STRN4: variants seen among roughly 807,000 people sequenced by gnomAD.
STRN4 encodes the protein striatin 4, also known as striatin-4.
Under a neutral mutation model 77.9 loss-of-function variants are expected in STRN4, and 27 were observed. The ratio of observed to expected loss-of-function variants is 0.35; its 90% CI spans 0.26 to 0.48. STRN4 has a LOEUF of 0.48. Ranked by LOEUF, STRN4 falls within the 20% of genes least tolerant of loss-of-function variation. STRN4 has a pLI of 0.99. For missense variants in STRN4, 798 were observed against 1,049.7 expected, an observed-to-expected ratio of 0.76 and a Z score of 3.31; for synonymous variants, 466 against 443.1, an observed-to-expected ratio of 1.05 and a Z score of -0.65.
rs192197442 is a variant in STRN4, at chr19:46,741,052, G to A, written c.283-2164C>T. Among the ~76,000 whole-genome samples the A allele has an allele frequency of 1.3e-5, 2 of 152,274 alleles. No homozygotes were observed. The highest frequency in any genetic ancestry group is 4.8e-5 in the African/African-American group (2 of 41,544). ...ATGGAAGGGTTTTAAGTACAGAGAG[G>A]TAACCGATTCGCATGTTATAAAGGC... On this transcript the variant is annotated intron_variant, in intron 1 of 17. Transcript: ENST00000263280. This position sits in a 1 kb window ranked among gnomAD's most constrained non-coding sequence, Gnocchi z 4.9.
chr19:46,743,697 C>A (rs1383461195), intron 1 of STRN4, among the ~76,000 whole-genome samples: 1 of 152,010 alleles, frequency 6.6e-6, no homozygotes, highest in South Asian at 2.1e-4. Context: ...GCCAGGAGTT[C>A]GAAACCAGCC....
In STRN4 at chr19:46,722,892, G is replaced by A. The variant is rs756166358; in HGVS notation, c.1824C>T (p.Ala608=). The change falls in exon 14 of 18, where the codon GCC becomes GCT. Residue 608 remains alanine (A), a synonymous_variant. Transcript: ENST00000263280. ...FTSTEPAHIV[A]SFRSGDTVLY... ...AGACGGTGTCGCCAGAGCGGAAGGA[G>A]GCCACGATGTGGGCAGGCTCGGTGC... The A allele has an allele frequency of 2.5e-6, 4 of 1,613,860 alleles. No homozygotes were observed. In the African/African-American group the frequency reaches 4.0e-5, roughly 16 times the overall value.
chr19:46,720,261 G>T lies in STRN4; in HGVS notation c.*144C>A, dbSNP rs2053944362. On this transcript the variant is annotated 3_prime_UTR_variant, in exon 18 of 18. Coordinates refer to ENST00000263280, the MANE Select transcript of STRN4 (RefSeq NM_013403.3). ...CGTTGGGGAGGGATTCCTGGGGAAA[G>T]GGCCGTTAGCACCACCAGGCTCCAT... 9.3e-6 allele frequency: 2 copies of T among 214,130 alleles called. No homozygotes were observed. The highest frequency in any genetic ancestry group is 2.3e-5 in the African/African-American group (1 of 43,798). The allele number at this position is 214,130 out of a possible 1,614,324, so 13.3% of individuals were successfully genotyped here.
intron 1 of STRN4, chr19:46,740,295 A>T (rs1271447808): frequency 6.6e-6 from 1 of 152,222 alleles, no homozygotes; most frequent in Non-Finnish European, 1.5e-5. Flanking sequence ...TCTCAAAAAA[A>T]AAAAGAAATA....
chr19:46,726,071 T>G, intron 9 of STRN4: 1 of 183,264 alleles, frequency 5.5e-6, no homozygotes, highest in Non-Finnish European at 1.2e-5. Flanking sequence ...CAGCAGGACT[T>G]CACAAGATAA....
intron 4 of STRN4, among the ~76,000 whole-genome samples, chr19:46,734,589 T>C (rs996644542): frequency 1.3e-5 from 2 of 152,198 alleles, no homozygotes; most frequent in African/African-American, 4.8e-5. Context: ...TTTTCCTCCA[T>C]AGGACCAAAG....
intron 10 of STRN4, 30 bp downstream of exon 10, chr19:46,725,442 CT>C: frequency 6.2e-7 from 1 of 1,613,834 alleles, no homozygotes; most frequent in Non-Finnish European, 8.5e-7. Flanking sequence ...CCAGATGCCC[CT>C]GCCCCCGGCT....
intron 6 of STRN4, among the ~76,000 whole-genome samples, chr19:46,729,283 G>A (rs2054195629): frequency 6.6e-6 from 1 of 152,258 alleles, no homozygotes. Flanking sequence ...AACAGCTACC[G>A]TGAACACTGT....
Position 46,733,014 on chromosome 19 carries a change from A to G in STRN4, c.737+25T>C. The G allele has an allele frequency of 6.3e-7, 1 of 1,592,182 alleles. No individual in the cohort carries two copies. Among genetic ancestry groups the G allele is most frequent in the Non-Finnish European group, 8.6e-7 (1 of 1,164,242 alleles). On this transcript the variant is annotated intron_variant, in intron 5 of 17. Coordinates refer to ENST00000263280, the MANE Select transcript of STRN4 (RefSeq NM_013403.3). This position sits in a 1 kb window ranked among gnomAD's most constrained non-coding sequence, Gnocchi z 4.3. ...CAGCAGTCAGGAGGAACAGAGAGACACACCTGCCATGTCCACGGGCTCACC... is the reference window on the plus strand; with the variant it reads ...CAGCAGTCAGGAGGAACAGAGAGACGCACCTGCCATGTCCACGGGCTCACC...
chr19:46,730,589 G>C (rs1052938788), intron 6 of STRN4, 143 bp downstream of exon 6: 55 of 1,293,036 alleles, frequency 4.3e-5, no homozygotes, highest in Non-Finnish European at 5.2e-5. Flanking sequence ...CTGGCCACAA[G>C]CTCCTCCAGG....
At chr19:46,736,235 C>G (rs759151065) in intron 4 of STRN4, 6 of 152,094 alleles carry the variant, frequency 3.9e-5, no homozygotes, top group Non-Finnish European at 8.8e-5. Flanking sequence ...TGAGATCGTG[C>G]CACTGCACTG....
intron 14 of STRN4, 151 bp from the exon 15 acceptor site, chr19:46,722,491 G>A: frequency 1.2e-6 from 1 of 866,952 alleles, no homozygotes; most frequent in South Asian, 1.6e-5. Flanking sequence ...CCCGACCGCA[G>A]CGCTGGTTCT....
chr19:46,720,142 G>A lies in STRN4; in HGVS notation c.*263C>T, dbSNP rs117438608. On this transcript the variant is annotated 3_prime_UTR_variant, in exon 18 of 18. Transcript: ENST00000263280. ...GGAAAGCAGCTCTGATACCAGGAGC[G>A]GCTGTCAGGGCACAGGGGGAAACCC... The A allele has an allele frequency of 0.014, 2,198 of 154,432 alleles. 36 individuals are homozygous for A. Among genetic ancestry groups the A allele is most frequent in the South Asian group, 0.061 (298 of 4,846 alleles). 9.6% of individuals were successfully genotyped at this position (154,432 alleles called of 1,614,324 possible). A position where few individuals can be genotyped will look rare whatever the true frequency, so the allele number is the denominator to read the frequency against.
At chr19:46,721,503 A>G (rs962697546) in intron 16 of STRN4, 21 of 180,570 alleles carry the variant, frequency 1.2e-4, no homozygotes, top group Non-Finnish European at 1.8e-4. Flanking sequence ...TGCTGCACTC[A>G]CTGCAGGCCT....
intron 14 of STRN4, among the ~76,000 whole-genome samples, 171 bp downstream of exon 14, chr19:46,722,626 CGCCAGTGCCCTGG>C (rs2054007384): frequency 1.3e-5 from 2 of 152,244 alleles, no homozygotes; most frequent in Admixed American, 1.3e-4. Flanking sequence ...CACTCAGCCC[CGCCAGTGCCCTGG>C]CTGTGAGGGC....
chr19:46,740,460 G>A (rs2054453982), intron 1 of STRN4, among the ~76,000 whole-genome samples: 2 of 152,018 alleles, frequency 1.3e-5, no homozygotes, highest in Non-Finnish European at 2.9e-5. Flanking sequence ...CATCTCTGAA[G>A]CATGAGTTTC....
At chr19:46,728,359 C>T (rs1036993619) in intron 7 of STRN4, 42 of 592,226 alleles carry the variant, frequency 7.1e-5, no homozygotes, top group Middle Eastern at 4.5e-4. Flanking sequence ...CAGAGCTGGA[C>T]GCCCGCCCTG....
chr19:46,725,771 G>C (rs763674103), intron 9 of STRN4, 123 bp from the exon 10 acceptor site: 279 of 1,281,482 alleles, frequency 2.2e-4, no homozygotes, highest in Non-Finnish European at 2.7e-4. Flanking sequence ...AATGCCCTCA[G>C]AGCCTGGGCT....
At chr19:46,727,695 G>A (rs980453545) in intron 8 of STRN4, 149 bp from the exon 9 acceptor site, 8 of 766,954 alleles carry the variant, frequency 1.0e-5, no homozygotes, top group Non-Finnish European at 1.7e-5. Context: ...ATCACAGCTG[G>A]AAAGAGACAG....
Sources: gnomAD v4.1 joint callset for allele counts (sites outside exome capture counted in the v4.1 genomes callset) on GRCh38, gnomAD v4.1.1 for gene constraint, Gnocchi (gnomAD v3.1) non-coding constraint, MANE v1.5 for transcripts, NCBI Gene and HGNC (gene_info 2026-07-23, HGNC 2026-07-21) for gene names.